Variants in PCSK6 observed in about 807,000 individuals in gnomAD.
PCSK6 encodes proprotein convertase subtilisin/kexin type 6.
In PCSK6, 85 loss-of-function variants were observed where a neutral mutation model predicts 123.3. That is an observed-to-expected ratio of 0.69 (90% CI 0.58 to 0.83). PCSK6 has a LOEUF of 0.83. Among genes scored for constraint, PCSK6 ranks in the 40% least tolerant of loss-of-function variants. PCSK6 has a pLI of 0.00. For missense variants in PCSK6, 1,191 were observed against 1,282.3 expected, an observed-to-expected ratio of 0.93 and a Z score of 1.09; for synonymous variants, 508 against 516.0, an observed-to-expected ratio of 0.98 and a Z score of 0.21.
chr15:101,424,544 C>T (rs972513914), intron 6 of PCSK6, among the ~76,000 whole-genome samples: 3 of 152,040 alleles, frequency 2.0e-5, no homozygotes, highest in Admixed American at 6.5e-5. Context: ...AAGAGCCTGG[C>T]GACAGGCTGA....
chr15:101,416,554 T>C (rs12904730), intron 6 of PCSK6, among the ~76,000 whole-genome samples: 47,444 of 152,070 alleles, frequency 0.31, 8,013 homozygotes, highest in African/African-American at 0.45. Flanking sequence ...CCCAAGACCA[T>C]GGGAAAATGT....
intron 1 of PCSK6, among the ~76,000 whole-genome samples, chr15:101,455,321 G>A (rs759873585): frequency 1.3e-5 from 2 of 152,232 alleles, no homozygotes; most frequent in Non-Finnish European, 2.9e-5. Flanking sequence ...GCACGGCAGT[G>A]CTGCCCAGCT....
At chr15:101,371,155 C>T (rs376593509) in intron 11 of PCSK6, among the ~76,000 whole-genome samples, 2 of 152,078 alleles carry the variant, frequency 1.3e-5, no homozygotes, top group South Asian at 2.1e-4. Context: ...TGCAGCGAGC[C>T]GAGGTCGCAC....
intron 13 of PCSK6, among the ~76,000 whole-genome samples, chr15:101,359,676 G>C (rs547808284): frequency 1.3e-5 from 2 of 152,356 alleles, no homozygotes; most frequent in Admixed American, 1.3e-4. Flanking sequence ...CATCTGGCTG[G>C]GCAGGAAGCA....
intron 13 of PCSK6, chr15:101,347,808 T>C (rs908391095): frequency 1.3e-6 from 2 of 1,581,240 alleles, no homozygotes; most frequent in African/African-American, 1.3e-5. Flanking sequence ...GTGAAGCCCA[T>C]GGGCTGAAGC....
chr15:101,457,540 G>C (rs1383924584), intron 1 of PCSK6, among the ~76,000 whole-genome samples: 1 of 152,270 alleles, frequency 6.6e-6, no homozygotes, highest in African/African-American at 2.4e-5. Context: ...GTGGGGGGAA[G>C]TGCATTGCAA....
chr15:101,428,061 C>T lies in PCSK6; in HGVS notation c.735-81G>A. On this transcript the variant is annotated intron_variant, in intron 5 of 21. Coordinates refer to ENST00000611716, the MANE Select transcript of PCSK6 (RefSeq NM_002570.5). ...CAGTGCCTGGCTCAGTTCAATGCAA[C>T]AAGAGAGTCAGTTGTCCGAAGCCCA... The T allele has an allele frequency of 1.8e-6, 2 of 1,134,438 alleles. 1 individual carries two copies. Among genetic ancestry groups the T allele is most frequent in the Non-Finnish European group, 2.6e-6 (2 of 780,626 alleles). 70.3% of individuals were successfully genotyped at this position (1,134,438 alleles called of 1,614,324 possible). A position where few individuals can be genotyped will look rare whatever the true frequency, so the allele number is the denominator to read the frequency against.
At chr15:101,314,560 C>G (rs2039944433) in intron 19 of PCSK6, among the ~76,000 whole-genome samples, 2 of 152,206 alleles carry the variant, frequency 1.3e-5, no homozygotes, top group Admixed American at 6.5e-5. Context: ...AAGGGAAAAT[C>G]CCTTTGCAGA....
intron 8 of PCSK6, among the ~76,000 whole-genome samples, chr15:101,392,729 C>T (rs182356128): frequency 4.6e-5 from 7 of 151,824 alleles, no homozygotes; most frequent in African/African-American, 1.7e-4. Flanking sequence ...AGACAGAAAC[C>T]ACTGCTCGAC....
chr15:101,365,222 T>G (rs1417341455), intron 13 of PCSK6, among the ~76,000 whole-genome samples: 1 of 152,154 alleles, frequency 6.6e-6, no homozygotes, highest in Middle Eastern at 3.2e-3. Flanking sequence ...TCTGTGACTT[T>G]GGGTTAGGCA....
At chr15:101,361,628 G>A (rs2041224987) in intron 13 of PCSK6, among the ~76,000 whole-genome samples, 1 of 152,216 alleles carries the variant, frequency 6.6e-6, no homozygotes, top group South Asian at 2.1e-4. Flanking sequence ...ATGATTCACG[G>A]TGGAGAGGTG....
At chr15:101,450,266 C>T (rs762308409) in intron 1 of PCSK6, among the ~76,000 whole-genome samples, 15 of 152,118 alleles carry the variant, frequency 9.9e-5, no homozygotes, top group South Asian at 4.2e-4. Flanking sequence ...GGAGAATACA[C>T]GACCAGCCAG....
intron 9 of PCSK6, among the ~76,000 whole-genome samples, chr15:101,385,567 G>A (rs2042035927): frequency 6.6e-6 from 1 of 152,102 alleles, no homozygotes; most frequent in South Asian, 2.1e-4. Context: ...TGGTTTCTGT[G>A]GTACATAAAA....
chr15:101,445,969 GGCC>G (rs1419865209), intron 1 of PCSK6, among the ~76,000 whole-genome samples: 2 of 152,198 alleles, frequency 1.3e-5, no homozygotes, highest in Non-Finnish European at 2.9e-5. Flanking sequence ...CCTGCCCCGG[GGCC>G]GCCATGACTG....
chr15:101,357,689 A>G (rs1488082587), intron 13 of PCSK6, among the ~76,000 whole-genome samples: 2 of 152,252 alleles, frequency 1.3e-5, no homozygotes, highest in Non-Finnish European at 2.9e-5. Context: ...CTCTGGGGGT[A>G]GGTCTTATTG....
At chr15:101,326,924 G>C (rs990644763) in intron 15 of PCSK6, among the ~76,000 whole-genome samples, 1 of 152,200 alleles carries the variant, frequency 6.6e-6, no homozygotes, top group Non-Finnish European at 1.5e-5. Flanking sequence ...TGAGTGTCAG[G>C]GGAGCTGCTG....
chr15:101,392,180 G>A (rs2042251900), intron 8 of PCSK6, among the ~76,000 whole-genome samples: 1 of 152,240 alleles, frequency 6.6e-6, no homozygotes, highest in Admixed American at 6.5e-5. Context: ...GCAGGTCCGT[G>A]CTCAAATGAG....
chr15:101,446,057 T>C (rs28413515), intron 1 of PCSK6, among the ~76,000 whole-genome samples: 8,017 of 152,264 alleles, frequency 0.053, 642 homozygotes, highest in African/African-American at 0.18. Flanking sequence ...GCACAGACAG[T>C]CCCCAGAATG....
At chr15:101,408,061 CACAGG>C (rs2042832135) in intron 6 of PCSK6, among the ~76,000 whole-genome samples, 1 of 152,164 alleles carries the variant, frequency 6.6e-6, no homozygotes, top group Admixed American at 6.5e-5. Context: ...CCCAGGCACA[CACAGG>C]AAGCCAGTGA....
Sources: gnomAD v4.1 joint callset for allele counts (sites outside exome capture counted in the v4.1 genomes callset) on GRCh38, gnomAD v4.1.1 for gene constraint, MANE v1.5 for transcripts, NCBI Gene and HGNC (gene_info 2026-07-23, HGNC 2026-07-21) for gene names.